Variants in LDLRAD4 observed in about 807,000 individuals in gnomAD.
LDLRAD4 encodes the protein low-density lipoprotein receptor class A domain-containing protein 4.
A neutral mutation model predicts 17.0 loss-of-function variants in LDLRAD4; 5 were observed. The ratio of observed to expected loss-of-function variants is 0.29; its 90% CI spans 0.15 to 0.62. LDLRAD4 has a LOEUF of 0.62. LDLRAD4 is among the 20% of genes least tolerant of loss of function. LDLRAD4 has a pLI of 0.84. For missense variants in LDLRAD4, 340 were observed against 424.7 expected (o/e 0.80, Z 1.75); for synonymous variants, 168 against 171.8 (o/e 0.98, Z 0.17).
intron 1 of LDLRAD4, among the ~76,000 whole-genome samples, chr18:13,321,065 C>T (rs1366701877): frequency 6.6e-6 from 1 of 152,170 alleles, no homozygotes; most frequent in African/African-American, 2.4e-5. Context: ...AGCTCCCCCG[C>T]CCTCTTGTGT....
chr18:13,609,155 C>T (rs569337060), intron 3 of LDLRAD4, among the ~76,000 whole-genome samples: 19 of 152,338 alleles, frequency 1.2e-4, no homozygotes. Flanking sequence ...GTTCCACAGA[C>T]TTCCCTCTCC....
In LDLRAD4 at chr18:13,232,098, C is replaced by T. The variant is rs75384102; in HGVS notation, c.-467+13110C>T. Among the ~76,000 whole-genome samples, 69 of 152,334 alleles carry T rather than the reference C, an allele frequency of 4.5e-4. 1 individual carries two copies. The East Asian group carries it at 0.012, about 27-fold the overall frequency. On this transcript the variant is annotated intron_variant, in intron 1 of 5. Coordinates refer to the LDLRAD4 transcript ENST00000399848. ...CATCAAGGGGACTGAGGGGGCACCCCGTGAAGCTCTCTCCTGGTGGGCCAT... is the reference window on the plus strand; with the variant it reads ...CATCAAGGGGACTGAGGGGGCACCCTGTGAAGCTCTCTCCTGGTGGGCCAT...
rs1353680558 is a variant in LDLRAD4, at chr18:13,423,471, T to C, written c.41-14773T>C. 2.0e-5 allele frequency: 3 copies of C among 150,158 alleles called. No individual in the cohort carries two copies. In the East Asian group the frequency reaches 5.8e-4, roughly 29 times the overall value. 9.3% of individuals were successfully genotyped at this position (150,158 alleles called of 1,614,324 possible). On this transcript the variant is annotated intron_variant, in intron 2 of 5. Coordinates refer to ENST00000359446, the Ensembl canonical transcript of LDLRAD4. Reference sequence around the variant, plus strand: ...TTGCGCCATTGCACTCCAACCTGGGTGACAGAGCGAGACTCTGTCTCAAAA... The same window carrying C: ...TTGCGCCATTGCACTCCAACCTGGGCGACAGAGCGAGACTCTGTCTCAAAA...
rs539000165 is a variant in LDLRAD4 at position 13,497,254 on chromosome 18, G to T, written c.181+58870G>T. Among the ~76,000 whole-genome samples, 8 of 152,270 alleles carry T rather than the reference G, an allele frequency of 5.3e-5. No homozygotes were observed. The South Asian group carries it at 1.2e-3, about 24-fold the overall frequency. ...TGGAGTGCAGTGATCACAGCTCCCT[G>T]CAGTCTTGACTTCCTGGGCTCAAGC... On this transcript the variant is annotated intron_variant, in intron 3 of 5. Coordinates refer to ENST00000359446, the Ensembl canonical transcript of LDLRAD4.
At chr18:13,269,597 G>A (rs185648240) in intron 1 of LDLRAD4, among the ~76,000 whole-genome samples, 3 of 151,922 alleles carry the variant, frequency 2.0e-5, no homozygotes, top group African/African-American at 4.8e-5. Context: ...GCCCATTTGC[G>A]TGGTGGCTTC....
intron 3 of LDLRAD4, among the ~76,000 whole-genome samples, chr18:13,574,659 C>T (rs2094742636): frequency 2.0e-5 from 3 of 152,224 alleles, no homozygotes; most frequent in African/African-American, 7.2e-5. Flanking sequence ...GAGCACTTCA[C>T]ACTCTACCTC....
At chr18:13,308,179 C>T (rs1291023980) in intron 1 of LDLRAD4, among the ~76,000 whole-genome samples, 3 of 152,326 alleles carry the variant, frequency 2.0e-5, no homozygotes, top group Admixed American at 6.5e-5. Flanking sequence ...GATCCTTCCA[C>T]GTCCGCACAC....
rs1050094672 is a variant in LDLRAD4 at position 13,367,791 on chromosome 18, G to A, written c.-382-19550G>A. On this transcript the variant is annotated intron_variant, in intron 1 of 5. Transcript: ENST00000359446. The surrounding 1 kb of genome is among the most constrained non-coding windows in gnomAD (Gnocchi z 4.1). ...TGAGAGGGGACAGCGGGGCCTGGGGGCACGTGCTTTCAGGGGATGTACTGA... is the reference window on the plus strand; with the variant it reads ...TGAGAGGGGACAGCGGGGCCTGGGGACACGTGCTTTCAGGGGATGTACTGA... Among the ~76,000 whole-genome samples, 13 of 151,906 alleles carry A rather than the reference G, an allele frequency of 8.6e-5. No homozygotes were observed. Among genetic ancestry groups the A allele is most frequent in the Admixed American group, 3.9e-4 (6 of 15,254 alleles).
Position 13,633,898 on chromosome 18 carries a change from G to A in LDLRAD4, c.337-9461G>A, listed in dbSNP as rs116152360. ...CTCCCACCTGTTCCTGGCTCTCACC[G>A]GCTCCGTGGAGCACACAGCCCTGGC... is the stretch of plus-strand genomic sequence containing the variant. On this transcript the variant is annotated intron_variant, in intron 4 of 5. Transcript: ENST00000359446. Among the ~76,000 whole-genome samples, 954 of 152,286 alleles carry A rather than the reference G, an allele frequency of 6.3e-3. 10 individuals are homozygous for A. Among genetic ancestry groups the A allele is most frequent in the African/African-American group, 0.022 (916 of 41,540 alleles).
intron 1 of LDLRAD4, among the ~76,000 whole-genome samples, chr18:13,255,729 C>T (rs9963523): frequency 2.6e-5 from 4 of 152,010 alleles, no homozygotes; most frequent in Non-Finnish European, 4.4e-5. Context: ...GCCCTAGGGA[C>T]GGCTCCCCAG....
chr18:13,252,023 G>A (rs2145832667), intron 1 of LDLRAD4, among the ~76,000 whole-genome samples: 1 of 152,360 alleles, frequency 6.6e-6, no homozygotes, highest in East Asian at 1.9e-4. Context: ...GTAGATATAT[G>A]ATTGTTTGGA....
chr18:13,592,739 T>A (rs1299885649), intron 3 of LDLRAD4, among the ~76,000 whole-genome samples: 1 of 152,238 alleles, frequency 6.6e-6, no homozygotes, highest in Non-Finnish European at 1.5e-5. Context: ...ATTTAACTCT[T>A]GGAAACCCAA....
intron 1 of LDLRAD4, among the ~76,000 whole-genome samples, chr18:13,369,360 G>T (rs922256802): frequency 6.6e-6 from 1 of 152,204 alleles, no homozygotes; most frequent in South Asian, 2.1e-4. Flanking sequence ...GGTGTCAGGC[G>T]CTCTGTAAGA....
intron 2 of LDLRAD4, among the ~76,000 whole-genome samples, chr18:13,388,968 C>T (rs2086047770): frequency 6.6e-6 from 1 of 151,712 alleles, no homozygotes; most frequent in Admixed American, 6.6e-5. Context: ...GTAGATGTCT[C>T]CCTCTGGATT....
At chr18:13,355,776 C>T (rs988580459) in intron 1 of LDLRAD4, among the ~76,000 whole-genome samples, 1 of 152,028 alleles carries the variant, frequency 6.6e-6, no homozygotes, top group Non-Finnish European at 1.5e-5. Flanking sequence ...GGACCACATG[C>T]ATGTGCCACC....
At chr18:13,383,296 C>T (rs894721869) in intron 1 of LDLRAD4, among the ~76,000 whole-genome samples, 3 of 152,236 alleles carry the variant, frequency 2.0e-5, no homozygotes, top group Admixed American at 6.5e-5. Context: ...GGAGGATCTG[C>T]TGGCCACTGC....
chr18:13,570,031 T>C (rs1426005007), intron 3 of LDLRAD4, among the ~76,000 whole-genome samples: 8 of 152,060 alleles, frequency 5.3e-5, no homozygotes, highest in Admixed American at 4.6e-4. Flanking sequence ...TTAGAAAGTG[T>C]TTTGGGGGAA....
At chr18:13,296,852 A>T (rs2046307475) in intron 1 of LDLRAD4, among the ~76,000 whole-genome samples, 1 of 152,112 alleles carries the variant, frequency 6.6e-6, no homozygotes, top group Non-Finnish European at 1.5e-5. Flanking sequence ...CCTGCTTTCC[A>T]CAAGGTCATG....
intron 3 of LDLRAD4, among the ~76,000 whole-genome samples, chr18:13,468,516 A>C (rs953514347): frequency 6.6e-6 from 1 of 152,174 alleles, no homozygotes; most frequent in Non-Finnish European, 1.5e-5. Context: ...ACCCAAAGGA[A>C]TATAAATCAT....
Sources: gnomAD v4.1 joint callset for allele counts (sites outside exome capture counted in the v4.1 genomes callset) on GRCh38, gnomAD v4.1.1 for gene constraint, Gnocchi (gnomAD v3.1) non-coding constraint, MANE v1.5 for transcripts, NCBI Gene and HGNC (gene_info 2026-07-23, HGNC 2026-07-21) for gene names.